RDH13: variants seen among roughly 807,000 people sequenced by gnomAD.
RDH13 encodes the protein retinol dehydrogenase 13.
RDH13 carries 35 observed loss-of-function variants against 28.3 expected under a neutral mutation model. The observed-to-expected ratio is 1.24, with a 90% CI of 0.95 to 1.64. RDH13 has a LOEUF of 1.64. Among genes scored for constraint, RDH13 ranks in the 40% most tolerant of loss-of-function variants. RDH13 has a pLI of 0.00. For synonymous variants in RDH13, 229 were observed against 198.5 expected, an observed-to-expected ratio of 1.15 and a Z score of -1.29; for missense variants, 514 against 446.3, an observed-to-expected ratio of 1.15 and a Z score of -1.37.
Position 55,044,899 on chromosome 19 carries a change from G to A in RDH13, c.*175C>T. 1.7e-6 allele frequency: 1 copy of A among 580,692 alleles called. No individual in the cohort carries two copies. The highest frequency in any genetic ancestry group is 3.1e-6 in the Non-Finnish European group (1 of 327,864). 36.0% of individuals were successfully genotyped at this position (580,692 alleles called of 1,614,324 possible). ...GGAACCAGCCAGAGCCCAGGGCAGT[G>A]CTCACCTGCAGGCCAGTCCACTGCG... On this transcript the variant is annotated 3_prime_UTR_variant, in exon 7 of 7. Coordinates refer to ENST00000415061, the MANE Select transcript of RDH13 (RefSeq NM_001145971.2).
In RDH13 at chr19:55,048,810, C is replaced by A; in HGVS notation, c.341-47G>T. 4.7e-6 allele frequency: 7 copies of A among 1,490,596 alleles called. No individual in the cohort carries two copies. In the Middle Eastern group the frequency reaches 6.9e-4, roughly 146 times the overall value. 92.3% of individuals were successfully genotyped at this position (1,490,596 alleles called of 1,614,324 possible). ...GGAGACATCCCGGTGAGGACAGACC[C>A]CAGCCTGATGCACCAGCAGAAACAC... On this transcript the variant is annotated intron_variant, in intron 3 of 6. Coordinates refer to ENST00000415061, the MANE Select transcript of RDH13 (RefSeq NM_001145971.2).
Position 55,048,594 on chromosome 19 carries a change from C to A in RDH13, c.446-53G>T. On this transcript the variant is annotated intron_variant, in intron 4 of 6. Transcript: ENST00000415061. ...TTTTGACTCACACCTAAAATCCCAGCACTTTGGGAGGACGACGGGGGAGGA... is the reference window on the plus strand; with the variant it reads ...TTTTGACTCACACCTAAAATCCCAGAACTTTGGGAGGACGACGGGGGAGGA... 4 of 1,610,006 alleles carry A rather than the reference C, an allele frequency of 2.5e-6. No individual in the cohort carries two copies. In the East Asian group the frequency reaches 8.9e-5, roughly 36 times the overall value.
downstream of RDH13, among the ~76,000 whole-genome samples, chr19:55,043,738 T>G (rs2075105145): frequency 6.6e-6 from 1 of 152,062 alleles, no homozygotes; most frequent in Non-Finnish European, 1.5e-5. Flanking sequence ...AAAACATGTT[T>G]TCTATCTCGA....
intron 1 of RDH13, among the ~76,000 whole-genome samples, chr19:55,062,102 A>G (rs2075825191): frequency 1.4e-5 from 2 of 144,624 alleles, no homozygotes; most frequent in African/African-American, 5.1e-5. Context: ...GGGCAACAAC[A>G]GCGAAACTCT....
upstream of RDH13, among the ~76,000 whole-genome samples, chr19:55,064,810 A>T (rs868754424): frequency 2.0e-5 from 3 of 149,926 alleles, no homozygotes; most frequent in Admixed American, 7.0e-5. Flanking sequence ...ACGGGGTTTC[A>T]CCATGTTGGC....
At chr19:55,043,293 C>T (rs2075091397), downstream of RDH13, 1 of 152,278 alleles carries the variant, frequency 6.6e-6, no homozygotes, top group Non-Finnish European at 1.5e-5. Context: ...CCCAGATACT[C>T]AGGAGGCTGA....
chr19:55,058,646 T>C (rs115036600), intron 2 of RDH13, among the ~76,000 whole-genome samples: 1,606 of 152,262 alleles, frequency 0.011, 51 homozygotes, highest in African/African-American at 0.037. Context: ...TGGAATGTCC[T>C]CAAGGTTCAT....
intron 3 of RDH13, among the ~76,000 whole-genome samples, chr19:55,052,141 G>A (rs942508217): frequency 2.0e-5 from 3 of 147,266 alleles, no homozygotes; most frequent in South Asian, 2.2e-4. Flanking sequence ...ACTGCAGGCC[G>A]GGCGTGGTGG....
Position 55,063,044 on chromosome 19 carries a change from G to A in RDH13, c.-12C>T, listed in dbSNP as rs1654456. ...AGGTAGCGGCTCATGCCGGGCCGGG[G>A]ACAGGCGTCAGGCGTCAGGGGTCGG... On this transcript the variant is annotated 5_prime_UTR_variant, in exon 1 of 7. Transcript: ENST00000415061. 1 of 1,380,660 alleles carries A rather than the reference G, an allele frequency of 7.2e-7. No homozygotes were observed. The highest frequency in any genetic ancestry group is 9.3e-7 in the Non-Finnish European group (1 of 1,073,160). 85.5% of individuals were successfully genotyped at this position (1,380,660 alleles called of 1,614,324 possible).
At chr19:55,054,109 TGTGAGTGGCACAAG>T (rs1397098867) in intron 3 of RDH13, among the ~76,000 whole-genome samples, 1 of 152,186 alleles carries the variant, frequency 6.6e-6, no homozygotes, top group East Asian at 1.9e-4. Flanking sequence ...TCCCTAGGGC[TGTGAGTGGCACAAG>T]GACAGCTCTG....
chr19:55,058,292 G>A (rs924582298), intron 2 of RDH13, among the ~76,000 whole-genome samples: 2 of 151,600 alleles, frequency 1.3e-5, no homozygotes, highest in African/African-American at 4.8e-5. Flanking sequence ...GGTGGCTGAG[G>A]CAGGAGAATT....
intron 3 of RDH13, among the ~76,000 whole-genome samples, chr19:55,053,570 T>C (rs1234411816): frequency 6.7e-6 from 1 of 149,676 alleles, no homozygotes. Flanking sequence ...GGCAGGAGAA[T>C]GGCATGAACC....
At chr19:55,047,517 G>T in intron 5 of RDH13, 29 bp from the exon 6 acceptor site, 1 of 1,586,828 alleles carries the variant, frequency 6.3e-7, no homozygotes. Flanking sequence ...GAAGACTGAG[G>T]GAGGGGTCCA....
At chr19:55,069,440 ACT>A (rs903155876) in exon 1 of RDH13, 6 of 151,886 alleles carry the variant, frequency 4.0e-5, no homozygotes, top group African/African-American at 1.5e-4. Context: ...CGGGCTGGGA[ACT>A]CTAGACACTC....
At chr19:55,065,221 C>T (rs537164058), upstream of RDH13, among the ~76,000 whole-genome samples, 1 of 151,046 alleles carries the variant, frequency 6.6e-6, no homozygotes, top group Admixed American at 6.8e-5. Flanking sequence ...CTTATCTCTA[C>T]AAAAAATACA....
chr19:55,046,576 A>T (rs781294782), intron 6 of RDH13: 2 of 151,920 alleles, frequency 1.3e-5, no homozygotes, highest in Non-Finnish European at 2.9e-5. Flanking sequence ...AAGATTCTTG[A>T]TGCCAACCAA....
intron 2 of RDH13, among the ~76,000 whole-genome samples, chr19:55,057,628 C>T (rs10418231): frequency 0.023 from 3,444 of 151,616 alleles, 124 homozygotes; most frequent in African/African-American, 0.079. Flanking sequence ...GTAGAGACAG[C>T]GGTTTCACCA....
At chr19:55,059,625 C>T (rs1342888627) in intron 1 of RDH13, among the ~76,000 whole-genome samples, 1 of 151,950 alleles carries the variant, frequency 6.6e-6, no homozygotes, top group African/African-American at 2.4e-5. Flanking sequence ...GTCAGGAGTT[C>T]GAGTCCAGCC....
intron 6 of RDH13, among the ~76,000 whole-genome samples, chr19:55,045,916 A>G (rs1325248209): frequency 2.8e-5 from 4 of 140,998 alleles, no homozygotes; most frequent in African/African-American, 1.1e-4. Flanking sequence ...ATTGCACTCC[A>G]GCCTGGGTGA....
Sources: allele counts gnomAD v4.1 joint callset (sites outside exome capture counted in the v4.1 genomes callset), GRCh38; gene constraint gnomAD v4.1.1; transcripts MANE v1.5; gene names NCBI Gene and HGNC (gene_info 2026-07-23, HGNC 2026-07-21).